CHD7: variants seen among roughly 807,000 people sequenced by gnomAD.
CHD7 encodes ATP-dependent chromatin remodeler CHD7.
In CHD7, 24 loss-of-function variants were observed where a neutral mutation model predicts 307.3. The observed-to-expected ratio is 0.08, with a 90% confidence interval of 0.06 to 0.11. The LOEUF is 0.11. Among genes scored for constraint, CHD7 ranks in the 10% least tolerant of loss-of-function variants. The pLI is 1.00. For synonymous variants in CHD7, 1,363 were observed against 1,349.9 expected (o/e 1.01, Z -0.21); for missense variants, 3,106 against 3,727.1 (o/e 0.83, Z 4.34).
Position 60,742,462 on chromosome 8 carries a change from G to C in CHD7, c.1030G>C (p.Val344Leu). The C allele has an allele frequency of 6.2e-7, 1 of 1,613,938 alleles. No homozygotes were observed. Among genetic ancestry groups the C allele is most frequent in the Non-Finnish European group, 8.5e-7 (1 of 1,179,864 alleles). ...LTNNTPMNQSVPRYPNAVGFP... is the reference protein window; with the variant it reads ...LTNNTPMNQSLPRYPNAVGFP... ...AAATAATACTCCAATGAATCAGTCC[G>C]TACCAAGATACCCCAATGCTGTAGG... The change falls in exon 2 of 38, where the codon GTA (valine) becomes CTA (leucine). Residue 344 changes from valine to leucine, a missense_variant. By Grantham distance (32) the Val-to-Leu change is conservative (BLOSUM62 1). Transcript: ENST00000423902.
intron 2 of CHD7, among the ~76,000 whole-genome samples, chr8:60,766,564 T>C (rs1810478610): frequency 6.6e-6 from 1 of 152,176 alleles, no homozygotes; most frequent in African/African-American, 2.4e-5. Flanking sequence ...TGATGTCACC[T>C]GAATAAGGAT....
Position 60,836,075 on chromosome 8 carries a change from G to A in CHD7, c.3781G>A (p.Ala1261Thr). ...CCNHPYLINGAEEKILEEFKE... is the reference protein window; with the variant it reads ...CCNHPYLINGTEEKILEEFKE... ...GTTATGCTGTCCAATCTCTGCAGGT[G>A]CTGAAGAGAAAATTTTGGAAGAGTT... Residue 1261 changes from alanine (A) to threonine (T), a missense_variant and splice_region_variant, in exon 16 of 38, where the codon GCT becomes ACT. Ala to Thr is a moderately conservative substitution (Grantham distance 58). Coordinates refer to ENST00000423902, the MANE Select transcript of CHD7 (RefSeq NM_017780.4). The A allele has an allele frequency of 6.2e-7, 1 of 1,605,378 alleles. No homozygotes were observed. The highest frequency in any genetic ancestry group is 8.5e-7 in the Non-Finnish European group (1 of 1,174,680).
At chr8:60,733,271 T>C (rs1337449469) in intron 1 of CHD7, among the ~76,000 whole-genome samples, 1 of 151,540 alleles carries the variant, frequency 6.6e-6, no homozygotes, top group Non-Finnish European at 1.5e-5. Flanking sequence ...TAGATACACA[T>C]ATTTTATGTA....
In CHD7 at chr8:60,841,995, C is replaced by T; in HGVS notation, c.4793C>T (p.Ser1598Leu). The stretch of plus-strand genomic sequence containing the variant: ...AAGCCACGGCGTCCCCAGGATAAGT[C>T]ACAGGGCTATGCAAGGAGTGAATGT... ...CAKPRRPQDKSQGYARSECFR... is the reference protein window; with the variant it reads ...CAKPRRPQDKLQGYARSECFR... The change falls in exon 21 of 38, where the codon TCA becomes TTA. Residue 1598 changes from serine to leucine, a missense_variant. Physicochemically the swap from Ser to Leu is moderately radical, Grantham distance 145. Around this residue, in one of 10 missense-constraint regions of CHD7, gnomAD observed 122 missense variants for 124.5 expected, o/e 0.98. Transcript: ENST00000423902. 2.5e-6 allele frequency: 4 copies of T among 1,613,928 alleles called. No homozygotes were observed. Among genetic ancestry groups the T allele is most frequent in the Non-Finnish European group, 3.4e-6 (4 of 1,179,872 alleles).
rs370086501 is a variant in CHD7, at chr8:60,856,472, C to T, written c.7192C>T (p.Arg2398Cys). 13 of 1,613,002 alleles carry T rather than the reference C, an allele frequency of 8.1e-6. No individual in the cohort carries two copies. The highest frequency in any genetic ancestry group is 4.4e-5 in the South Asian group (4 of 91,010). ...KEDALNLSVP[R>C]QRRRRRRKIE... The stretch of plus-strand genomic sequence containing the variant: ...AGATGCCCTCAACCTCTCTGTCCCT[C>T]GCCAGCGGAGGAGGAGGAGGAGAAA... The change falls in exon 34 of 38, where the codon CGC becomes TGC. Residue 2398 changes from arginine to cysteine, a missense_variant. Arg to Cys is a radical substitution (Grantham distance 180). Transcript: ENST00000423902.
intron 1 of CHD7, among the ~76,000 whole-genome samples, chr8:60,730,393 A>G (rs1808383353): frequency 6.6e-6 from 1 of 152,180 alleles, no homozygotes. Flanking sequence ...AAAAGATGGC[A>G]TGTTTCGCTG....
At chr8:60,835,385 T>G (rs1804695822) in intron 15 of CHD7, among the ~76,000 whole-genome samples, 1 of 152,162 alleles carries the variant, frequency 6.6e-6, no homozygotes, top group Non-Finnish European at 1.5e-5. Flanking sequence ...ACTTAAAGGT[T>G]TGTTTGTTTT....
intron 2 of CHD7, among the ~76,000 whole-genome samples, chr8:60,756,638 C>T (rs1391233464): frequency 1.3e-5 from 2 of 152,128 alleles, no homozygotes; most frequent in East Asian, 1.9e-4. Context: ...CATAATTGCA[C>T]CTGTGAATAG....
Position 60,816,423 on chromosome 8 carries a change from T to A in CHD7, c.2535T>A (p.Asp845Glu), listed in dbSNP as rs1227105110. Residue 845 changes from aspartate (D) to glutamate (E), a missense_variant, in exon 8 of 38, where the codon GAT (aspartate) becomes GAA (glutamate). Coordinates refer to ENST00000423902, the MANE Select transcript of CHD7 (RefSeq NM_017780.4). ...YLHCQWASIEDLEKDKRIQQK... is the reference protein window; with the variant it reads ...YLHCQWASIEELEKDKRIQQK... ...ATTGTCAGTGGGCATCTATAGAAGA[T>A]CTGGAAAAAGATAAGAGAATTCAGC... The A allele has an allele frequency of 6.2e-6, 10 of 1,608,288 alleles. No homozygotes were observed. Among genetic ancestry groups the A allele is most frequent in the Non-Finnish European group, 6.8e-6 (8 of 1,176,518 alleles).
At chr8:60,813,750 G>A (rs1349673796) in intron 7 of CHD7, among the ~76,000 whole-genome samples, 2 of 151,598 alleles carry the variant, frequency 1.3e-5, no homozygotes, top group African/African-American at 4.8e-5. Context: ...TAACTACTTG[G>A]TCATGACATA....
intron 6 of CHD7, among the ~76,000 whole-genome samples, chr8:60,807,792 C>T (rs1182842513): frequency 6.6e-6 from 1 of 152,230 alleles, no homozygotes; most frequent in Non-Finnish European, 1.5e-5. Context: ...CATTACAAAA[C>T]CCACAATGTA....
At chr8:60,683,800 T>C (rs1036530648) in intron 1 of CHD7, among the ~76,000 whole-genome samples, 1 of 152,214 alleles carries the variant, frequency 6.6e-6, no homozygotes, top group South Asian at 2.1e-4. Context: ...CAGCTCTTGC[T>C]CATGTTCTGA....
intron 2 of CHD7, among the ~76,000 whole-genome samples, chr8:60,750,973 A>G (rs942731907): frequency 2.0e-4 from 31 of 152,310 alleles, no homozygotes; most frequent in African/African-American, 7.2e-4. Flanking sequence ...ATGCAGTACT[A>G]GGGGGTGTGC....
chr8:60,706,960 T>C (rs1807052610), intron 1 of CHD7, among the ~76,000 whole-genome samples: 2 of 152,108 alleles, frequency 1.3e-5, no homozygotes, highest in Non-Finnish European at 2.9e-5. Flanking sequence ...CTAATGCTAT[T>C]CCTCCCTGCT....
At chr8:60,851,194 T>G in intron 27 of CHD7, 68 bp from the exon 28 acceptor site, 1 of 1,503,126 alleles carries the variant, frequency 6.7e-7, no homozygotes, top group South Asian at 1.2e-5. Context: ...TAATGACCTT[T>G]TCTTTAAAAG....
chr8:60,716,560 C>T (rs1327119590), intron 1 of CHD7, among the ~76,000 whole-genome samples: 1 of 152,226 alleles, frequency 6.6e-6, no homozygotes, highest in Non-Finnish European at 1.5e-5. Context: ...ACATAACTAT[C>T]TTCCCTGTGA....
intron 3 of CHD7, among the ~76,000 whole-genome samples, 173 bp from the exon 4 acceptor site, chr8:60,794,813 A>G (rs1198832366): frequency 6.6e-6 from 1 of 152,202 alleles, no homozygotes; most frequent in Non-Finnish European, 1.5e-5. Context: ...AAAGTCATTA[A>G]TATGGAGTTT....
At chr8:60,758,482 T>C (rs1487810081) in intron 2 of CHD7, among the ~76,000 whole-genome samples, 1 of 152,220 alleles carries the variant, frequency 6.6e-6, no homozygotes. Flanking sequence ...CAGAAAAGTC[T>C]TTAAAGATTG....
rs1170596680 is a variant in CHD7 at position 60,853,266 on chromosome 8, C to T, written c.6541C>T (p.Pro2181Ser). 6.2e-7 allele frequency: 1 copy of T among 1,612,784 alleles called. No individual in the cohort carries two copies. The highest frequency in any genetic ancestry group is 8.5e-7 in the Non-Finnish European group (1 of 1,179,180). The change falls in exon 31 of 38, where the codon CCA becomes TCA. Residue 2181 changes from proline (P) to serine (S), a missense_variant. By Grantham distance (74) the Pro-to-Ser change is moderately conservative. Coordinates refer to ENST00000423902, the MANE Select transcript of CHD7 (RefSeq NM_017780.4). Reference protein sequence around the residue: ...AEGKVEEPENPAAKEKCEGKE... With the variant: ...AEGKVEEPENSAAKEKCEGKE... ...AGGCAAAGTGGAGGAGCCTGAAAAC[C>T]CAGCTGCCAAGGAGAAATGTGAGGG...
Sources: allele counts gnomAD v4.1 joint callset (sites outside exome capture counted in the v4.1 genomes callset), GRCh38; gene constraint gnomAD v4.1.1; regional missense constraint gnomAD v4.1.1; transcripts MANE v1.5; gene names NCBI Gene and HGNC (gene_info 2026-07-23, HGNC 2026-07-21).